The following NCOA2 variants were observed in gnomAD, a reference collection of about 807,000 sequenced individuals.
NCOA2 encodes the protein class E basic helix-loop-helix protein 75.
In NCOA2, 21 loss-of-function variants were observed where a neutral mutation model predicts 145.1. The ratio of observed to expected loss-of-function variants is 0.14; its 90% confidence interval spans 0.10 to 0.21. NCOA2 has a LOEUF of 0.21. NCOA2 is among the 10% of genes least tolerant of loss of function. The pLI is 1.00. For synonymous variants in NCOA2, 619 were observed against 637.5 expected, an observed-to-expected ratio of 0.97 and a Z score of 0.44; for missense variants, 1,472 against 1,837.6, an observed-to-expected ratio of 0.80 and a Z score of 3.64.
Position 70,162,755 on chromosome 8 carries a change from T to C in NCOA2, c.932A>G (p.His311Arg), listed in dbSNP as rs1289549621. ...AGCATAGGACACAGATTCTCCTTCA[T>C]GCTGCGCATGGAACTTCTGAATACA... Reference protein sequence around the residue: ...RRCIQKFHAQHEGESVSYAKR... With the variant: ...RRCIQKFHAQREGESVSYAKR... Residue 311 changes from histidine (H) to arginine (R), a missense_variant, in exon 9 of 23, where the codon CAT becomes CGT. His to Arg is a conservative substitution (Grantham distance 29). Around this residue, in one of 4 missense-constraint regions of NCOA2, gnomAD observed 284 missense variants for 467.8 expected, o/e 0.61. Transcript: ENST00000452400. The C allele has an allele frequency of 1.9e-6, 3 of 1,613,952 alleles. No individual in the cohort carries two copies. The highest frequency in any genetic ancestry group is 1.1e-5 in the South Asian group (1 of 91,086).
rs971660644 is a variant in NCOA2 at position 70,111,712 on chromosome 8, A to G, written c.*1920T>C. 10 of 215,918 alleles carry G rather than the reference A, an allele frequency of 4.6e-5. No homozygotes were observed. The highest frequency in any genetic ancestry group is 2.9e-4 in the Admixed American group (5 of 17,142). 13.4% of individuals were successfully genotyped at this position (215,918 alleles called of 1,614,324 possible). A position where few individuals can be genotyped will look rare whatever the true frequency, so the allele number is the denominator to read the frequency against. Reference sequence around the variant, plus strand: ...CTATCTTTGGGCTATATCTCTTCCTATATTTCCATAATGCGTACATATAGA... The same window carrying G: ...CTATCTTTGGGCTATATCTCTTCCTGTATTTCCATAATGCGTACATATAGA... On this transcript the variant is annotated 3_prime_UTR_variant, in exon 23 of 23. Transcript: ENST00000452400.
At chr8:70,208,487 T>A (rs893690112) in intron 4 of NCOA2, among the ~76,000 whole-genome samples, 2 of 152,210 alleles carry the variant, frequency 1.3e-5, no homozygotes. Flanking sequence ...ATTTTCAATG[T>A]AGACAAAAAA....
At chr8:70,123,332 A>G (rs1339746073) in intron 21 of NCOA2, among the ~76,000 whole-genome samples, 3 of 152,176 alleles carry the variant, frequency 2.0e-5, no homozygotes, top group Non-Finnish European at 4.4e-5. Context: ...ATCTGGTTTT[A>G]CACTTAGAAA....
chr8:70,252,637 C>G (rs1430501763), intron 2 of NCOA2, among the ~76,000 whole-genome samples: 1 of 152,002 alleles, frequency 6.6e-6, no homozygotes, highest in Non-Finnish European at 1.5e-5. Flanking sequence ...ACGTTAGGGC[C>G]CTGAAGAAAC....
At chr8:70,330,140 C>G (rs1266672519) in intron 1 of NCOA2, among the ~76,000 whole-genome samples, 2 of 151,446 alleles carry the variant, frequency 1.3e-5, no homozygotes, top group Non-Finnish European at 2.9e-5. Context: ...TTTTCCAGTA[C>G]AAGATGGGAA....
chr8:70,284,677 T>C (rs538917777), intron 2 of NCOA2, among the ~76,000 whole-genome samples: 147 of 152,172 alleles, frequency 9.7e-4, no homozygotes, highest in Non-Finnish European at 1.9e-3. Flanking sequence ...AGGGAGAACG[T>C]GTGTGTGTTG....
At chr8:70,359,925 T>C (rs1448830658) in intron 1 of NCOA2, among the ~76,000 whole-genome samples, 2 of 152,220 alleles carry the variant, frequency 1.3e-5, no homozygotes. Context: ...TGCTTAATTC[T>C]GCAGTGTCTA....
intron 4 of NCOA2, among the ~76,000 whole-genome samples, chr8:70,183,517 T>C (rs569070310): frequency 6.6e-6 from 1 of 152,352 alleles, no homozygotes; most frequent in South Asian, 2.1e-4. Context: ...TTCTGTTTAT[T>C]AGCGCAGTAA....
chr8:70,402,240 T>C (rs1370001315), intron 1 of NCOA2: 3 of 147,458 alleles, frequency 2.0e-5, no homozygotes, highest in East Asian at 2.0e-4. Flanking sequence ...TTCGGGTCGG[T>C]GGGAGGGGAA....
At chr8:70,400,504 C>T (rs1381202373) in intron 1 of NCOA2, among the ~76,000 whole-genome samples, 1 of 152,050 alleles carries the variant, frequency 6.6e-6, no homozygotes, top group Non-Finnish European at 1.5e-5. Flanking sequence ...TGCTCTTCAG[C>T]ATACAAAAGA....
chr8:70,284,444 A>T (rs559431044), intron 2 of NCOA2, among the ~76,000 whole-genome samples: 1 of 152,170 alleles, frequency 6.6e-6, no homozygotes, highest in African/African-American at 2.4e-5. Flanking sequence ...CTAGAAAATA[A>T]ATTTTGTAGT....
At chr8:70,183,546 C>A (rs1160607139) in intron 4 of NCOA2, among the ~76,000 whole-genome samples, 1 of 152,186 alleles carries the variant, frequency 6.6e-6, no homozygotes. Flanking sequence ...TCCCATTATT[C>A]CTAGCTTATA....
At chr8:70,241,510 A>T (rs1170162900) in intron 2 of NCOA2, among the ~76,000 whole-genome samples, 1 of 152,200 alleles carries the variant, frequency 6.6e-6, no homozygotes, top group Non-Finnish European at 1.5e-5. Flanking sequence ...GAAGTTCACT[A>T]AAGTACAAAC....
Position 70,128,732 on chromosome 8 carries a change from A to T in NCOA2, c.3573T>A (p.Leu1191=). The change falls in exon 17 of 23, where the codon CTT becomes CTA. Residue 1191 remains leucine (L), a synonymous_variant. Coordinates refer to ENST00000452400, the MANE Select transcript of NCOA2 (RefSeq NM_006540.4). ...LVQNQPNQLR[L]QLQHRLQAQQ... ...GTGCTTGGAGGCGATGCTGAAGTTG[A>T]AGTCTTAGTTGATTTGGCTGGTTCT... 1.9e-6 allele frequency: 3 copies of T among 1,613,926 alleles called. No individual in the cohort carries two copies. Among genetic ancestry groups the T allele is most frequent in the Non-Finnish European group, 2.5e-6 (3 of 1,179,888 alleles).
At chr8:70,187,977 T>C (rs999555224) in intron 4 of NCOA2, among the ~76,000 whole-genome samples, 1 of 152,240 alleles carries the variant, frequency 6.6e-6, no homozygotes, top group African/African-American at 2.4e-5. Flanking sequence ...TTAGCTTCAA[T>C]GCAGATGCAT....
intron 16 of NCOA2, among the ~76,000 whole-genome samples, chr8:70,129,426 C>A (rs949298094): frequency 1.3e-5 from 2 of 152,158 alleles, no homozygotes; most frequent in African/African-American, 4.8e-5. Flanking sequence ...TACTGACCAT[C>A]ATTATCCTGA....
At chr8:70,284,256 T>A (rs926275848) in intron 2 of NCOA2, among the ~76,000 whole-genome samples, 1 of 152,210 alleles carries the variant, frequency 6.6e-6, no homozygotes, top group Non-Finnish European at 1.5e-5. Flanking sequence ...TGTGAAGCCC[T>A]CCTTGGATAC....
chr8:70,134,976 A>G (rs1809563997), intron 15 of NCOA2, among the ~76,000 whole-genome samples: 1 of 152,084 alleles, frequency 6.6e-6, no homozygotes, highest in Non-Finnish European at 1.5e-5. Flanking sequence ...TACAGAGCAA[A>G]CAGGCCCTAC....
At chr8:70,115,147 T>C (rs889434902) in intron 22 of NCOA2, among the ~76,000 whole-genome samples, 6 of 152,152 alleles carry the variant, frequency 3.9e-5, no homozygotes, top group African/African-American at 1.4e-4. Flanking sequence ...TATTTATTTA[T>C]TTATTTATTT....
Sources: gnomAD v4.1 joint callset for allele counts (sites outside exome capture counted in the v4.1 genomes callset) on GRCh38, gnomAD v4.1.1 for gene constraint, gnomAD v4.1.1 regional missense constraint, MANE v1.5 for transcripts, NCBI Gene and HGNC (gene_info 2026-07-23, HGNC 2026-07-21) for gene names.